Variants in SDK1 observed in about 807,000 individuals in gnomAD.
The protein encoded by SDK1 is sidekick cell adhesion molecule 1.
A neutral mutation model predicts 245.5 loss-of-function variants in SDK1; 157 were observed. That is an observed-to-expected ratio of 0.64 (90% CI 0.56 to 0.73). SDK1 has a LOEUF of 0.73. Among genes scored for constraint, SDK1 ranks in the 30% least tolerant of loss-of-function variants. SDK1 has a pLI of 0.00. For missense variants in SDK1, 3,583 were observed against 3,002.3 expected (o/e 1.19, Z -4.52); for synonymous variants, 1,647 against 1,278.5 (o/e 1.29, Z -6.15).
intron 1 of SDK1, among the ~76,000 whole-genome samples, chr7:3,364,003 A>G (rs1285289280): frequency 2.0e-5 from 3 of 152,202 alleles, no homozygotes; most frequent in South Asian, 2.1e-4. Context: ...TCTGAGATGT[A>G]TGTGGTGATA....
chr7:3,707,319 T>C (rs1465028811), intron 4 of SDK1, among the ~76,000 whole-genome samples: 1 of 152,256 alleles, frequency 6.6e-6, no homozygotes, highest in Non-Finnish European at 1.5e-5. Flanking sequence ...CAAAAATCAT[T>C]CCAGGAGCAG....
rs538216517 is a variant in SDK1, at chr7:3,794,038, T to C, written c.714-27412T>C. Among the ~76,000 whole-genome samples the C allele has an allele frequency of 1.4e-4, 21 of 152,342 alleles. No individual in the cohort carries two copies. In the South Asian group the frequency reaches 4.1e-3, roughly 30 times the overall value. ...CCTCAGACTTACCACATGCCAAATATGTTTCATCTTTAAGAAGCATGCTAT... is the reference window on the plus strand; with the variant it reads ...CCTCAGACTTACCACATGCCAAATACGTTTCATCTTTAAGAAGCATGCTAT... On this transcript the variant is annotated intron_variant, in intron 4 of 44. Transcript: ENST00000404826.
intron 1 of SDK1, among the ~76,000 whole-genome samples, chr7:3,416,806 C>G: frequency 6.6e-6 from 1 of 152,170 alleles, no homozygotes; most frequent in East Asian, 1.9e-4. Flanking sequence ...TGATCCCCAT[C>G]TGTCTGTCAG....
At chr7:4,240,373 A>G (rs940058844) in intron 42 of SDK1, among the ~76,000 whole-genome samples, 3 of 152,046 alleles carry the variant, frequency 2.0e-5, no homozygotes, top group Non-Finnish European at 4.4e-5. Context: ...CTCTGTTGTG[A>G]TGGCCTCACT....
In SDK1 at chr7:3,470,851, A is replaced by T. The variant is rs557163987; in HGVS notation, c.299-148229A>T. On this transcript the variant is annotated intron_variant, in intron 1 of 44. Transcript: ENST00000404826. Reference sequence around the variant, plus strand: ...TATCATATAAATGCAAATTTCTACTATTATCATTTACTCACCTTGTATTAT... The same window carrying T: ...TATCATATAAATGCAAATTTCTACTTTTATCATTTACTCACCTTGTATTAT... 5.9e-5 allele frequency among the ~76,000 whole-genome samples: 9 copies of T among 152,272 alleles called. No homozygotes were observed. In the East Asian group the frequency reaches 1.7e-3, roughly 29 times the overall value.
chr7:3,604,220 T>C (rs1016214225), intron 1 of SDK1, among the ~76,000 whole-genome samples: 42 of 152,318 alleles, frequency 2.8e-4, no homozygotes, highest in Admixed American at 2.2e-3. Context: ...AGAGGATTCC[T>C]TCTTTTTCTA....
chr7:3,301,707 G>T lies in SDK1; in HGVS notation c.121G>T (p.Ala41Ser), dbSNP rs1167501367. Residue 41 changes from alanine to serine, a missense_variant, in exon 1 of 45, where the codon GCG becomes TCG. By Grantham distance (99) the Ala-to-Ser change is moderately conservative. Transcript: ENST00000404826. The stretch of plus-strand genomic sequence containing the variant: ...GCCCGGCCGCGCCCGCCCCTCGCTG[G>T]CGCCGCGCCCCGGCCCGGAGCCCTC... ...SPPGRARPSL[A>S]PRPGPEPSRP... 2 of 975,730 alleles carry T rather than the reference G, an allele frequency of 2.0e-6. No individual in the cohort carries two copies. The highest frequency in any genetic ancestry group is 2.4e-6 in the Non-Finnish European group (2 of 825,274). 60.4% of individuals were successfully genotyped at this position (975,730 alleles called of 1,614,324 possible).
rs1375712156 is a variant in SDK1, at chr7:3,972,563, TA to T, written c.1817+1001del. Among the ~76,000 whole-genome samples, 3 of 151,916 alleles carry T rather than the reference TA, an allele frequency of 2.0e-5. No individual in the cohort carries two copies. The East Asian group carries it at 5.8e-4, about 29-fold the overall frequency. Reference sequence around the variant, plus strand: ...AAATTTTTGGAATCAGCCTTGAAAATAAAAAAGGAAATATCCAGTCATCAGA... The same window carrying T: ...AAATTTTTGGAATCAGCCTTGAAAATAAAAAGGAAATATCCAGTCATCAGA... On this transcript the variant is annotated intron_variant, in intron 12 of 44. Transcript: ENST00000404826.
intron 25 of SDK1, among the ~76,000 whole-genome samples, chr7:4,120,011 C>T (rs1246173080): frequency 6.7e-6 from 1 of 148,790 alleles, no homozygotes; most frequent in Non-Finnish European, 1.5e-5. Flanking sequence ...AAATGGGACA[C>T]AGTCATTGAA....
intron 20 of SDK1, among the ~76,000 whole-genome samples, chr7:4,068,566 G>A (rs1316132043): frequency 6.6e-6 from 1 of 152,040 alleles, no homozygotes; most frequent in Non-Finnish European, 1.5e-5. Context: ...GCCCTGAGGA[G>A]ACTGTGAGGC....
intron 22 of SDK1, among the ~76,000 whole-genome samples, chr7:4,087,433 G>C (rs1415013192): frequency 6.6e-6 from 1 of 151,846 alleles, no homozygotes; most frequent in East Asian, 1.9e-4. Context: ...TATCTGGTGA[G>C]GCCTGCTTCC....
chr7:3,515,959 T>C (rs902954231), intron 1 of SDK1, among the ~76,000 whole-genome samples: 8 of 152,160 alleles, frequency 5.3e-5, no homozygotes, highest in Admixed American at 5.2e-4. Context: ...TGTAGTATAA[T>C]TAGGGCTTTC....
In SDK1 at chr7:3,672,787, A is replaced by ATG. The variant is rs1783754942; in HGVS notation, c.713+30683_713+30684insGT. Among the ~76,000 whole-genome samples the ATG allele has an allele frequency of 2.8e-5, 3 of 106,752 alleles. 1 individual carries two copies. Among genetic ancestry groups the ATG allele is most frequent in the African/African-American group, 1.0e-4 (3 of 28,950 alleles). 70.0% of individuals were successfully genotyped at this position (106,752 alleles called of 152,430 possible). ...TATATATATATATATATATATATAT[A>ATG]TATATATAAAAAATACAGAAAGCTC... is the stretch of plus-strand genomic sequence containing the variant. On this transcript the variant is annotated intron_variant, in intron 4 of 44. Transcript: ENST00000404826.
At chr7:3,746,538 C>A (rs1779626345) in intron 4 of SDK1, among the ~76,000 whole-genome samples, 1 of 152,244 alleles carries the variant, frequency 6.6e-6, no homozygotes, top group Admixed American at 6.5e-5. Context: ...AATCCTGCTG[C>A]TGCTTTATCA....
At chr7:4,202,970 C>G (rs1482934541) in intron 35 of SDK1, among the ~76,000 whole-genome samples, 1 of 152,200 alleles carries the variant, frequency 6.6e-6, no homozygotes, top group East Asian at 1.9e-4. Context: ...TAAGTCAGGG[C>G]AGCCACTGTG....
intron 4 of SDK1, among the ~76,000 whole-genome samples, chr7:3,672,988 A>AT (rs1487760247): frequency 2.0e-5 from 3 of 149,822 alleles, no homozygotes; most frequent in East Asian, 2.0e-4. Flanking sequence ...CCTTTTTTCT[A>AT]TTTTTTTTAA....
chr7:3,912,673 CA>C (rs972622714), intron 5 of SDK1, among the ~76,000 whole-genome samples: 1 of 152,240 alleles, frequency 6.6e-6, no homozygotes, highest in Admixed American at 6.5e-5. Flanking sequence ...GGGCCCACCC[CA>C]CGGATGGCTT....
At chr7:3,392,043 A>C (rs1027448404) in intron 1 of SDK1, among the ~76,000 whole-genome samples, 4 of 151,840 alleles carry the variant, frequency 2.6e-5, no homozygotes, top group Non-Finnish European at 4.4e-5. Context: ...TTATGGAGAC[A>C]AATAAATGCA....
At chr7:3,934,581 T>C (rs909810656) in intron 5 of SDK1, among the ~76,000 whole-genome samples, 1 of 152,234 alleles carries the variant, frequency 6.6e-6, no homozygotes, top group Non-Finnish European at 1.5e-5. Context: ...GTTACACTTA[T>C]GCAATTTTAG....
Sources: gnomAD v4.1 joint callset for allele counts (sites outside exome capture counted in the v4.1 genomes callset) on GRCh38, gnomAD v4.1.1 for gene constraint, MANE v1.5 for transcripts, NCBI Gene and HGNC (gene_info 2026-07-23, HGNC 2026-07-21) for gene names.